IRF5: variants seen among roughly 807,000 people sequenced by gnomAD.
IRF5 encodes the protein interferon regulatory factor 5.
In IRF5, 24 loss-of-function variants were observed where a neutral mutation model predicts 55.1. The ratio of observed to expected loss-of-function variants is 0.44; its 90% CI spans 0.32 to 0.61. IRF5 has a LOEUF of 0.61. Ranked by LOEUF, IRF5 falls within the 20% of genes least tolerant of loss-of-function variation. IRF5 has a pLI of 0.07. For synonymous variants in IRF5, 258 were observed against 260.2 expected, an observed-to-expected ratio of 0.99 and a Z score of 0.08; for missense variants, 499 against 658.5, an observed-to-expected ratio of 0.76 and a Z score of 2.65.
intron 1 of IRF5, chr7:128,941,324 A>G (rs1585292469): frequency 6.6e-6 from 1 of 152,428 alleles, no homozygotes; most frequent in East Asian, 1.9e-4. Context: ...CCTAAGTGCT[A>G]CCCGAATGCG....
chr7:128,947,959 G>A lies in IRF5; in HGVS notation c.1018G>A (p.Gly340Arg), dbSNP rs762371242. 5 of 1,614,112 alleles carry A rather than the reference G, an allele frequency of 3.1e-6. No homozygotes were observed. The highest frequency in any genetic ancestry group is 1.1e-5 in the South Asian group (1 of 91,080). ...TNQLLDVLDRGLILQLQGQDL... is the reference protein window; with the variant it reads ...TNQLLDVLDRRLILQLQGQDL... The stretch of plus-strand genomic sequence containing the variant: ...CCAGCTGCTGGATGTCCTGGACCGC[G>A]GGCTCATCCTCCAGCTACAGGGCCA... The change falls in exon 7 of 9, where the codon GGG becomes AGG. Residue 340 changes from glycine to arginine, a missense_variant. Transcript: ENST00000357234. The surrounding 1 kb of genome is among the most constrained non-coding windows in gnomAD (Gnocchi z 6.5).
chr7:128,939,004 C>T (rs2128956412), intron 1 of IRF5, among the ~76,000 whole-genome samples: 1 of 132,108 alleles, frequency 7.6e-6, no homozygotes, highest in East Asian at 2.6e-4. Context: ...CGCGGGCTGG[C>T]CCAGGGGGTG....
At chr7:128,943,066 C>T (rs1402134875) in intron 2 of IRF5, 4 of 121,864 alleles carry the variant, frequency 3.3e-5, no homozygotes, top group Non-Finnish European at 6.3e-5. Context: ...CAGGGTCTCA[C>T]TCTGTCACCC....
At chr7:128,945,034 A>T (rs1274588469) in intron 2 of IRF5, among the ~76,000 whole-genome samples, 1 of 152,226 alleles carries the variant, frequency 6.6e-6, no homozygotes, top group Non-Finnish European at 1.5e-5. Flanking sequence ...CCTAATTGCC[A>T]TTCAAAATAA....
Position 128,947,661 on chromosome 7 carries a change from G to C in IRF5, c.788-68G>C. On this transcript the variant is annotated intron_variant, in intron 6 of 8. Transcript: ENST00000357234. The surrounding 1 kb of genome is among the most constrained non-coding windows in gnomAD (Gnocchi z 6.5). ...GGGAGGGCGGATGGGGCTGGGCCTG[G>C]CCACTGGGCTGCAGAATGGGGAGGC... 6.6e-7 allele frequency: 1 copy of C among 1,517,562 alleles called. No homozygotes were observed. The highest frequency in any genetic ancestry group is 8.8e-7 in the Non-Finnish European group (1 of 1,137,500). 94.0% of individuals were successfully genotyped at this position (1,517,562 alleles called of 1,614,324 possible).
intron 2 of IRF5, among the ~76,000 whole-genome samples, chr7:128,943,711 T>C (rs1231470514): frequency 2.1e-4 from 3 of 14,356 alleles, no homozygotes; most frequent in Non-Finnish European, 1.1e-3. Context: ...CGGCTAATTT[T>C]TTTTTTTTTT....
Position 128,948,205 on chromosome 7 carries a change from T to G in IRF5, c.1181-5T>G, listed in dbSNP as rs1796430874. ...CTCTGACTAGGGACCTTGATTTTGATGCAGAGCTCATCCTGTTCCAAAAGG... is the reference window on the plus strand; with the variant it reads ...CTCTGACTAGGGACCTTGATTTTGAGGCAGAGCTCATCCTGTTCCAAAAGG... On this transcript the variant is annotated splice_polypyrimidine_tract_variant and splice_region_variant and intron_variant, in intron 7 of 8. Transcript: ENST00000357234. This position sits in a 1 kb window ranked among gnomAD's most constrained non-coding sequence, Gnocchi z 4.6. 6.2e-7 allele frequency: 1 copy of G among 1,612,540 alleles called. No individual in the cohort carries two copies. Among genetic ancestry groups the G allele is most frequent in the Admixed American group, 1.7e-5 (1 of 59,816 alleles).
chr7:128,943,707 ATTTTTTTTTTTTTTTTTTTTT>A (rs61451031), intron 2 of IRF5, among the ~76,000 whole-genome samples: 4 of 71,948 alleles, frequency 5.6e-5, no homozygotes, highest in African/African-American at 1.4e-4. Flanking sequence ...TGCCCGGCTA[ATTTTTTTTTTTTTTTTTTTTT>A]TTTTTTTTTT....
In IRF5 at chr7:128,942,295, G is replaced by A. The variant is rs773025897; in HGVS notation, c.195+19G>A. ...CTTCAAGGTAAGCCCCGGGGAGGAG[G>A]TTGGCTGGACCTCCAGGGCACCCTG... On this transcript the variant is annotated intron_variant, in intron 2 of 8. Coordinates refer to ENST00000357234, the MANE Select transcript of IRF5 (RefSeq NM_001098629.3). 1.9e-5 allele frequency: 31 copies of A among 1,597,842 alleles called. No individual in the cohort carries two copies. In the South Asian group the frequency reaches 3.5e-4, roughly 18 times the overall value.
upstream of IRF5, among the ~76,000 whole-genome samples, chr7:128,937,169 G>A (rs546220082): frequency 1.6e-4 from 25 of 152,364 alleles, no homozygotes; most frequent in African/African-American, 6.0e-4. Flanking sequence ...AGTCAAGGCA[G>A]ACTTTCCAGA....
rs1048732408 is a variant in IRF5 at position 128,946,621 on chromosome 7, G to A, written c.447+59G>A. 3.6e-5 allele frequency: 44 copies of A among 1,208,358 alleles called. No homozygotes were observed. Among genetic ancestry groups the A allele is most frequent in the Admixed American group, 7.8e-5 (4 of 51,266 alleles). The allele number at this position is 1,208,358 out of a possible 1,614,324, so 74.9% of individuals were successfully genotyped here. ...GGACGAGCTCTCTGCTGTCCCCATC[G>A]GCCTTAGGTTTCCGCAGCCCCACTC... On this transcript the variant is annotated intron_variant, in intron 4 of 8. Coordinates refer to ENST00000357234, the MANE Select transcript of IRF5 (RefSeq NM_001098629.3). This position sits in a 1 kb window ranked among gnomAD's most constrained non-coding sequence, Gnocchi z 4.2.
intron 2 of IRF5, 56 bp from the exon 3 acceptor site, chr7:128,945,789 C>T: frequency 6.5e-7 from 1 of 1,545,782 alleles, no homozygotes; most frequent in Non-Finnish European, 8.8e-7. Flanking sequence ...AGGAGGCAGA[C>T]TGGGGCTGTG....
chr7:128,948,450 C>A lies in IRF5; in HGVS notation c.1299+122C>A. On this transcript the variant is annotated intron_variant, in intron 8 of 8. Coordinates refer to ENST00000357234, the MANE Select transcript of IRF5 (RefSeq NM_001098629.3). This position sits in a 1 kb window ranked among gnomAD's most constrained non-coding sequence, Gnocchi z 4.6. ...GCAGTGTGAACTTGGCGGCCAGAGA[C>A]CATCAAGGCTCAGAGCCGGAGAATG... is the stretch of plus-strand genomic sequence containing the variant. 6.7e-7 allele frequency: 1 copy of A among 1,481,916 alleles called. No individual in the cohort carries two copies. Among genetic ancestry groups the A allele is most frequent in the Non-Finnish European group, 9.2e-7 (1 of 1,086,130 alleles). The allele number at this position is 1,481,916 out of a possible 1,614,324, so 91.8% of individuals were successfully genotyped here.
chr7:128,942,335 G>A, intron 2 of IRF5, 59 bp downstream of exon 2: 4 of 1,501,958 alleles, frequency 2.7e-6, no homozygotes, highest in Non-Finnish European at 3.6e-6. Flanking sequence ...CAGAAGAGGA[G>A]CGCACATAAC....
intron 1 of IRF5, among the ~76,000 whole-genome samples, chr7:128,938,939 C>T (rs780663503): frequency 5.9e-5 from 9 of 151,580 alleles, no homozygotes; most frequent in Non-Finnish European, 1.3e-4. Context: ...GGGTGCTGCT[C>T]CTCCAGCAGC....
In IRF5 at chr7:128,946,032, C is replaced by A; in HGVS notation, c.383C>A (p.Thr128Lys). 6.3e-7 allele frequency: 1 copy of A among 1,599,352 alleles called. No individual in the cohort carries two copies. The highest frequency in any genetic ancestry group is 8.5e-7 in the Non-Finnish European group (1 of 1,174,732). The change falls in exon 3 of 9, where the codon ACA becomes AAA. Residue 128 changes from threonine (T) to lysine (K), a missense_variant and splice_region_variant. Thr to Lys is a moderately conservative substitution (Grantham distance 78, BLOSUM62 -1). Around this residue, in one of 2 missense-constraint regions of IRF5, gnomAD observed 305 missense variants for 340.2 expected, o/e 0.90. Transcript: ENST00000357234. The surrounding 1 kb of genome is among the most constrained non-coding windows in gnomAD (Gnocchi z 4.2). Reference protein sequence around the residue: ...YEVCSNGPAPTDSQPPEDYSF... With the variant: ...YEVCSNGPAPKDSQPPEDYSF... ...GTCTGCTCCAATGGCCCTGCTCCCA[C>A]AGGTATCAGGCCTAGCCCTCTGTGG... is the stretch of plus-strand genomic sequence containing the variant.
Position 128,948,658 on chromosome 7 carries a change from C to T in IRF5, c.1385C>T (p.Ser462Leu). 6.2e-7 allele frequency: 1 copy of T among 1,614,226 alleles called. No individual in the cohort carries two copies. The highest frequency in any genetic ancestry group is 8.5e-7 in the Non-Finnish European group (1 of 1,180,040). ...WSADSIRLQI[S>L]NPDLKDRMVE... The stretch of plus-strand genomic sequence containing the variant: ...GCTGATAGTATCCGGCTACAGATCT[C>T]AAACCCAGACCTCAAAGACCGCATG... Residue 462 changes from serine to leucine, a missense_variant, in exon 9 of 9, where the codon TCA becomes TTA. By Grantham distance (145) the Ser-to-Leu change is moderately radical. Transcript: ENST00000357234. The surrounding 1 kb of genome is among the most constrained non-coding windows in gnomAD (Gnocchi z 4.6).
intron 1 of IRF5, among the ~76,000 whole-genome samples, chr7:128,939,418 G>A (rs1222391721): frequency 6.6e-6 from 1 of 152,146 alleles, no homozygotes; most frequent in East Asian, 1.9e-4. Flanking sequence ...AGCCTGTCTG[G>A]ACCAGGTGGG....
Position 128,945,874 on chromosome 7 carries a change from C to T in IRF5, c.225C>T (p.Thr75=), listed in dbSNP as rs368903740. The T allele has an allele frequency of 8.7e-6, 14 of 1,612,652 alleles. No homozygotes were observed. The highest frequency in any genetic ancestry group is 6.7e-5 in the African/African-American group (5 of 74,800). Residue 75 remains threonine, a synonymous_variant, in exon 3 of 9, where the codon ACC becomes ACT. Transcript: ENST00000357234. ...KAWAKETGKY[T]EGVDEADPAK... is the part of the protein sequence containing the mutation. ...GGGCCAAGGAGACAGGGAAATACAC[C>T]GAAGGCGTGGATGAAGCCGATCCGG...
Sources: allele counts gnomAD v4.1 joint callset (sites outside exome capture counted in the v4.1 genomes callset), GRCh38; gene constraint gnomAD v4.1.1; regional missense constraint gnomAD v4.1.1; non-coding constraint Gnocchi (gnomAD v3.1); transcripts MANE v1.5; gene names NCBI Gene and HGNC (gene_info 2026-07-23, HGNC 2026-07-21).